The following DCP1B variants were observed in gnomAD, a reference collection of about 807,000 sequenced individuals.
DCP1B encodes decapping mRNA 1B.
DCP1B carries 47 observed loss-of-function variants against 60.5 expected under a neutral mutation model. That is an observed-to-expected ratio of 0.78 (90% confidence interval 0.61 to 0.99). DCP1B has a LOEUF of 0.99. Ranked by LOEUF, DCP1B falls within the 50% of genes least tolerant of loss-of-function variation. The probability of loss-of-function intolerance (pLI) is 0.00; values close to 1 mark genes in which losing one functional copy is unlikely to be tolerated. For missense variants in DCP1B, 725 were observed against 756.8 expected (o/e 0.96, Z 0.49); for synonymous variants, 267 against 280.3 (o/e 0.95, Z 0.47).
chr12:1,988,422 T>C (rs2038412363), intron 3 of DCP1B, among the ~76,000 whole-genome samples: 1 of 152,212 alleles, frequency 6.6e-6, no homozygotes, highest in African/African-American at 2.4e-5. Context: ...ATAGCCATAC[T>C]TGAGTACAAC....
chr12:1,999,277 T>C (rs1048494313), intron 1 of DCP1B, among the ~76,000 whole-genome samples: 2 of 152,226 alleles, frequency 1.3e-5, no homozygotes, highest in African/African-American at 4.8e-5. Context: ...TGAAATTATA[T>C]TACAAGTCCT....
chr12:1,979,128 T>C (rs1394294794), intron 3 of DCP1B, among the ~76,000 whole-genome samples: 1 of 152,160 alleles, frequency 6.6e-6, no homozygotes, highest in African/African-American at 2.4e-5. Flanking sequence ...TTCTCCTGCC[T>C]CAGGCTCCCA....
At chr12:1,952,375 G>C in intron 7 of DCP1B, 41 bp downstream of exon 7, 1 of 1,493,950 alleles carries the variant, frequency 6.7e-7, no homozygotes, top group East Asian at 2.3e-5. Flanking sequence ...ATCTTGCTAT[G>C]CTGCCCAGGC....
Position 1,993,326 on chromosome 12 carries a change from G to T in DCP1B, c.257C>A (p.Pro86His). The change falls in exon 3 of 9, where the codon CCT (proline) becomes CAT (histidine). Residue 86 changes from proline to histidine, a missense_variant. Coordinates refer to ENST00000280665, the MANE Select transcript of DCP1B (RefSeq NM_152640.5). ...NRLSMENRTE[P>H]ITKDLDFQLQ... Reference sequence around the variant, plus strand: ...TTGGAAATCCAAGTCTTTAGTAATAGGTTCTGTCCTATTTTCCATGCTCAG... The same window carrying T: ...TTGGAAATCCAAGTCTTTAGTAATATGTTCTGTCCTATTTTCCATGCTCAG... 6.2e-7 allele frequency: 1 copy of T among 1,614,054 alleles called. No individual in the cohort carries two copies. Among genetic ancestry groups the T allele is most frequent in the East Asian group, 2.2e-5 (1 of 44,872 alleles).
chr12:1,977,264 C>T (rs1318042129), intron 3 of DCP1B, among the ~76,000 whole-genome samples: 1 of 152,128 alleles, frequency 6.6e-6, no homozygotes, highest in African/African-American at 2.4e-5. Flanking sequence ...TTAGCATGCT[C>T]GGCCATGATG....
At chr12:1,941,636 T>A (rs1317190357), downstream of DCP1B, among the ~76,000 whole-genome samples, 1 of 152,026 alleles carries the variant, frequency 6.6e-6, no homozygotes, top group Non-Finnish European at 1.5e-5. Context: ...TCTTCGTGGA[T>A]TTATCTTTGA....
intron 3 of DCP1B, chr12:1,991,482 C>A: frequency 4.3e-6 from 1 of 233,254 alleles, no homozygotes; most frequent in Non-Finnish European, 8.7e-6. Flanking sequence ...TTTTATTTTG[C>A]CCAATTTATC....
downstream of DCP1B, among the ~76,000 whole-genome samples, chr12:1,944,199 T>C (rs1290734735): frequency 6.6e-6 from 1 of 151,934 alleles, no homozygotes; most frequent in Non-Finnish European, 1.5e-5. Context: ...ACAAAGATAA[T>C]AAAATACCTA....
chr12:1,966,312 G>C lies in DCP1B; in HGVS notation c.387-619C>G, dbSNP rs187137169. ...GATTCCATTCTAACTCGGAGAAGAG[G>C]GGCCATTTAAAAAACCACTTAGAGC... is the stretch of plus-strand genomic sequence containing the variant. On this transcript the variant is annotated intron_variant, in intron 4 of 8. Coordinates refer to ENST00000280665, the MANE Select transcript of DCP1B (RefSeq NM_152640.5). 2.5e-3 allele frequency among the ~76,000 whole-genome samples: 375 copies of C among 152,244 alleles called. 3 individuals are homozygous for C. Among genetic ancestry groups the C allele is most frequent in the African/African-American group, 8.4e-3 (351 of 41,540 alleles).
At chr12:1,996,633 A>G (rs754489010) in intron 2 of DCP1B, among the ~76,000 whole-genome samples, 1 of 115,826 alleles carries the variant, frequency 8.6e-6, no homozygotes, top group Non-Finnish European at 1.7e-5. Context: ...AAAAAAAAAA[A>G]AAAAAAAAAA....
At chr12:1,995,094 T>G (rs370300831) in intron 2 of DCP1B, among the ~76,000 whole-genome samples, 1 of 152,218 alleles carries the variant, frequency 6.6e-6, no homozygotes, top group South Asian at 2.1e-4. Context: ...TTTAATGTTT[T>G]GTTTAATTGA....
At chr12:1,942,193 A>T (rs183641550), downstream of DCP1B, among the ~76,000 whole-genome samples, 6 of 152,348 alleles carry the variant, frequency 3.9e-5, no homozygotes, top group Non-Finnish European at 8.8e-5. Context: ...AAAGACAAAG[A>T]AGGGCATTAC....
At chr12:1,994,605 C>G (rs1455303937) in intron 2 of DCP1B, among the ~76,000 whole-genome samples, 1 of 152,180 alleles carries the variant, frequency 6.6e-6, no homozygotes, top group Non-Finnish European at 1.5e-5. Context: ...TCTTCTGGAA[C>G]TGTCAAGTTC....
At chr12:1,976,351 A>G (rs1484905806) in intron 3 of DCP1B, among the ~76,000 whole-genome samples, 1 of 152,188 alleles carries the variant, frequency 6.6e-6, no homozygotes, top group African/African-American at 2.4e-5. Flanking sequence ...CCACATTATG[A>G]TTTTTAAATT....
At chr12:1,990,984 C>CA (rs58516806) in intron 3 of DCP1B, 94,808 of 320,268 alleles carry the variant, frequency 0.3, 7,602 homozygotes, top group African/African-American at 0.43. Context: ...ATAGAAAGGA[C>CA]AAAAAAAAAA....
At chr12:1,976,959 G>A (rs2034574357) in intron 3 of DCP1B, among the ~76,000 whole-genome samples, 1 of 152,142 alleles carries the variant, frequency 6.6e-6, no homozygotes, top group Non-Finnish European at 1.5e-5. Flanking sequence ...GTGACTCACA[G>A]AAGATTAGGA....
downstream of DCP1B, among the ~76,000 whole-genome samples, chr12:1,941,719 T>C (rs1343016788): frequency 6.6e-6 from 1 of 152,212 alleles, no homozygotes; most frequent in African/African-American, 2.4e-5. Context: ...CCTTTCTGTT[T>C]GTTAGTTTTC....
At chr12:1,944,812 A>G (rs1326207825), downstream of DCP1B, among the ~76,000 whole-genome samples, 2 of 152,158 alleles carry the variant, frequency 1.3e-5, no homozygotes, top group African/African-American at 4.8e-5. Flanking sequence ...TAAATGTAAG[A>G]CCTAAAACCA....
chr12:1,955,583 C>A, intron 5 of DCP1B, 23 bp from the exon 6 acceptor site: 2 of 1,602,710 alleles, frequency 1.2e-6, no homozygotes, highest in South Asian at 2.3e-5. Flanking sequence ...AGAAAATCCC[C>A]TCATTTTTGG....
Sources: gnomAD v4.1 joint callset for allele counts (sites outside exome capture counted in the v4.1 genomes callset) on GRCh38, gnomAD v4.1.1 for gene constraint, MANE v1.5 for transcripts, NCBI Gene and HGNC (gene_info 2026-07-23, HGNC 2026-07-21) for gene names.